MYO5A: variants seen among roughly 807,000 people sequenced by gnomAD.
MYO5A encodes myosin VA, also known as unconventional myosin-Va.
MYO5A carries 98 observed loss-of-function variants against 249.7 expected under a neutral mutation model. The observed-to-expected ratio is 0.39, with a 90% CI of 0.33 to 0.46. The LOEUF is 0.46. Ranked by LOEUF, MYO5A falls within the 20% of genes least tolerant of loss-of-function variation. The probability of loss-of-function intolerance (pLI) is 0.98; values close to 1 mark genes in which losing one functional copy is unlikely to be tolerated. For synonymous variants in MYO5A, 778 were observed against 810.6 expected (o/e 0.96, Z 0.68); for missense variants, 1,696 against 2,308.8 (o/e 0.73, Z 5.44).
At chr15:52,490,234 G>C (rs1056360146) in intron 1 of MYO5A, among the ~76,000 whole-genome samples, 5 of 152,068 alleles carry the variant, frequency 3.3e-5, no homozygotes, top group African/African-American at 1.2e-4. Flanking sequence ...TCCCACTTCT[G>C]GTTATATATC....
rs201837184 is a variant in MYO5A, at chr15:52,416,136, C to T, written c.612+9G>A. On this transcript the variant is annotated intron_variant, in intron 5 of 41. Coordinates refer to ENST00000399233, the MANE Select transcript of MYO5A (RefSeq NM_001382347.1). ...ATATAGGAAGAAAGCCGAAGACTCG[C>T]TGTCTTACCTCCATGATGGGGTTGG... is the stretch of plus-strand genomic sequence containing the variant. 2.5e-6 allele frequency: 4 copies of T among 1,613,896 alleles called. No homozygotes were observed. The African/African-American group carries it at 4.0e-5, about 16-fold the overall frequency.
At chr15:52,364,985 G>T (rs2040740483) in intron 23 of MYO5A, among the ~76,000 whole-genome samples, 1 of 152,096 alleles carries the variant, frequency 6.6e-6, no homozygotes, top group Non-Finnish European at 1.5e-5. Context: ...ACTTCCACTA[G>T]TCAGTCACTG....
rs201737526 is a variant in MYO5A at position 52,379,692 on chromosome 15, A to G, written c.2141T>C (p.Met714Thr). 1.2e-6 allele frequency: 2 copies of G among 1,614,070 alleles called. No individual in the cohort carries two copies. The highest frequency in any genetic ancestry group is 2.7e-5 in the African/African-American group (2 of 74,912). ...GTCACTCAGCACATCTTTCTGCTTC[A>G]TTAGGACACGGTAGCGGCTGAAAAA... is the stretch of plus-strand genomic sequence containing the variant. ...QEFFSRYRVL[M>T]KQKDVLSDRK... The change falls in exon 18 of 42, where the codon ATG (methionine) becomes ACG (threonine). Residue 714 changes from methionine (M) to threonine (T), a missense_variant. By Grantham distance (81) the Met-to-Thr change is moderately conservative (BLOSUM62 -1). This residue lies in a region of MYO5A where 277 missense variants were observed against 422.4 expected (regional missense o/e 0.66). Coordinates refer to ENST00000399233, the MANE Select transcript of MYO5A (RefSeq NM_001382347.1).
At chr15:52,466,592 G>A (rs1662223126) in intron 1 of MYO5A, among the ~76,000 whole-genome samples, 2 of 152,198 alleles carry the variant, frequency 1.3e-5, no homozygotes. Flanking sequence ...TGTGAAGCTA[G>A]AACCACCCTC....
chr15:52,329,905 A>ATT (rs58058940), intron 35 of MYO5A, among the ~76,000 whole-genome samples: 30 of 119,726 alleles, frequency 2.5e-4, no homozygotes, highest in African/African-American at 7.2e-4. Context: ...CGCCTGGGTA[A>ATT]TTTTTTTTTT....
intron 35 of MYO5A, among the ~76,000 whole-genome samples, chr15:52,329,961 G>A (rs2038805292): frequency 7.1e-6 from 1 of 141,654 alleles, no homozygotes; most frequent in Admixed American, 7.0e-5. Context: ...ATTTTCCCGA[G>A]GCTGGCCTTG....
At chr15:52,467,119 A>G (rs1724617) in intron 1 of MYO5A, among the ~76,000 whole-genome samples, 7,658 of 152,332 alleles carry the variant, frequency 0.05, 266 homozygotes, top group South Asian at 0.14. Context: ...GGAAGTATGA[A>G]AAAGCAAGGT....
chr15:52,381,515 A>G (rs556770544), intron 16 of MYO5A, among the ~76,000 whole-genome samples: 1 of 152,266 alleles, frequency 6.6e-6, no homozygotes, highest in Admixed American at 6.5e-5. Flanking sequence ...CATTATCCCA[A>G]TGAGATAATC....
chr15:52,506,816 T>C (rs556175606), intron 1 of MYO5A, among the ~76,000 whole-genome samples: 77 of 152,296 alleles, frequency 5.1e-4, no homozygotes, highest in African/African-American at 1.4e-3. Context: ...GCCTGGGCTA[T>C]AGAATGAAAC....
intron 4 of MYO5A, among the ~76,000 whole-genome samples, chr15:52,421,603 C>T (rs1023664020): frequency 6.6e-6 from 1 of 152,074 alleles, no homozygotes; most frequent in African/African-American, 2.4e-5. Context: ...GTTGTTACAC[C>T]CCACATCTCT....
At chr15:52,323,331 G>A in intron 37 of MYO5A, 24 bp downstream of exon 37, 1 of 1,588,048 alleles carries the variant, frequency 6.3e-7, no homozygotes, top group Non-Finnish European at 8.6e-7. Flanking sequence ...TAGCATGCTG[G>A]TTTTGTAATC....
At position 52,315,853 on chromosome 15, in the gene MYO5A, T is replaced by C. The variant is rs530007506; in HGVS notation, c.5409+1195A>G. ...TTTTAGTAGAGATGGGGTTTCACCATGTTGGTCAGGCTGGTCTCAAACTGA... is the reference window on the plus strand; with the variant it reads ...TTTTAGTAGAGATGGGGTTTCACCACGTTGGTCAGGCTGGTCTCAAACTGA... On this transcript the variant is annotated intron_variant, in intron 40 of 41. Transcript: ENST00000399233. 7.9e-5 allele frequency among the ~76,000 whole-genome samples: 12 copies of C among 152,028 alleles called. No homozygotes were observed. The South Asian group carries it at 1.5e-3, about 18-fold the overall frequency.
At chr15:52,491,047 A>G (rs764202631) in intron 1 of MYO5A, among the ~76,000 whole-genome samples, 3 of 152,192 alleles carry the variant, frequency 2.0e-5, no homozygotes, top group Non-Finnish European at 4.4e-5. Context: ...GAATGTACTT[A>G]ACATTACTGA....
At chr15:52,314,225 A>T (rs1376858240) in intron 40 of MYO5A, 22 bp from the exon 41 acceptor site, 3 of 1,561,394 alleles carry the variant, frequency 1.9e-6, no homozygotes, top group Non-Finnish European at 1.8e-6. Flanking sequence ...GAAATGATCA[A>T]AGTTTTTGGC....
At chr15:52,338,643 G>A (rs529341547) in intron 32 of MYO5A, among the ~76,000 whole-genome samples, 1 of 152,298 alleles carries the variant, frequency 6.6e-6, no homozygotes, top group South Asian at 2.1e-4. Flanking sequence ...AGAAGCAGCT[G>A]ACCTACAAAA....
chr15:52,468,250 C>T (rs2076390804), intron 1 of MYO5A, among the ~76,000 whole-genome samples: 1 of 152,026 alleles, frequency 6.6e-6, no homozygotes, highest in Non-Finnish European at 1.5e-5. Context: ...TGCAGTGAGC[C>T]GAGGTCACAC....
intron 36 of MYO5A, among the ~76,000 whole-genome samples, chr15:52,324,511 G>A (rs539969387): frequency 1.7e-3 from 259 of 152,224 alleles, no homozygotes; most frequent in African/African-American, 5.7e-3. Context: ...CCTTGCAAAG[G>A]AAAACCAGAA....
chr15:52,372,956 A>AT (rs3834957), intron 20 of MYO5A, among the ~76,000 whole-genome samples: 7,840 of 144,974 alleles, frequency 0.054, 234 homozygotes, highest in South Asian at 0.098. Flanking sequence ...TGATTTATTG[A>AT]TTTTTTTTTT....
chr15:52,319,308 G>T lies in MYO5A; in HGVS notation c.4986C>A (p.Gly1662=), dbSNP rs770226703. ...SGMLEHETIQ[G]VSGVKPTGLR... ...ACCCTGTGGGCTTCACCCCAGACAC[G>T]CCCTGAATCGTTTCATGTTCCAGCA... is the stretch of plus-strand genomic sequence containing the variant. Residue 1662 remains glycine, a synonymous_variant, in exon 39 of 42, where the codon GGC becomes GGA. Transcript: ENST00000399233. 1.2e-6 allele frequency: 2 copies of T among 1,614,160 alleles called. No individual in the cohort carries two copies. Among genetic ancestry groups the T allele is most frequent in the South Asian group, 1.1e-5 (1 of 91,080 alleles).
Sources: allele counts gnomAD v4.1 joint callset (sites outside exome capture counted in the v4.1 genomes callset), GRCh38; gene constraint gnomAD v4.1.1; regional missense constraint gnomAD v4.1.1; transcripts MANE v1.5; gene names NCBI Gene and HGNC (gene_info 2026-07-23, HGNC 2026-07-21).